The following COL12A1 variants were observed in gnomAD, a reference collection of about 807,000 sequenced individuals.
COL12A1 encodes the protein collagen type XII alpha 1 chain.
A neutral mutation model predicts 349.7 loss-of-function variants in COL12A1; 114 were observed. The ratio of observed to expected loss-of-function variants is 0.33; its 90% CI spans 0.28 to 0.38. The LOEUF (loss-of-function observed/expected upper bound fraction) is 0.38, where lower values mean the gene tolerates loss of function less well. Among genes scored for constraint, COL12A1 ranks in the 10% least tolerant of loss-of-function variants. The pLI is 1.00. For missense variants in COL12A1, 3,284 were observed against 3,756.9 expected (o/e 0.87, Z 3.29); for synonymous variants, 1,369 against 1,329.0 (o/e 1.03, Z -0.66).
At chr6:75,193,855 C>T (rs904652833) in intron 3 of COL12A1, among the ~76,000 whole-genome samples, 1 of 152,044 alleles carries the variant, frequency 6.6e-6, no homozygotes, top group African/African-American at 2.4e-5. Context: ...CAACAGTTTG[C>T]TAAGAATGAT....
intron 3 of COL12A1, among the ~76,000 whole-genome samples, chr6:75,193,201 C>T (rs938350730): frequency 6.6e-6 from 1 of 152,102 alleles, no homozygotes; most frequent in Non-Finnish European, 1.5e-5. Flanking sequence ...GGTTGGGTAG[C>T]CCCAGTGCCA....
In COL12A1 at chr6:75,130,851, C is replaced by T. The variant is rs1766265062; in HGVS notation, c.6067+1G>A. On this transcript the variant is annotated splice_donor_variant, in intron 36 of 65. Coordinates refer to ENST00000322507, the MANE Select transcript of COL12A1 (RefSeq NM_004370.6). LOFTEE classifies it high-confidence loss of function. ...GAATGGAGAAAGGATTTCTGCCTCA[C>T]GCGTTCGGCCCTGGGCAGGGCTGGG... is the stretch of plus-strand genomic sequence containing the variant. The T allele has an allele frequency of 6.2e-7, 1 of 1,613,972 alleles. No individual in the cohort carries two copies. Among genetic ancestry groups the T allele is most frequent in the Non-Finnish European group, 8.5e-7 (1 of 1,179,912 alleles).
intron 58 of COL12A1, among the ~76,000 whole-genome samples, chr6:75,100,839 A>G (rs1768272332): frequency 6.6e-6 from 1 of 152,224 alleles, no homozygotes; most frequent in Admixed American, 6.5e-5. Context: ...ATCAAAATAC[A>G]AACTACTCTC....
In COL12A1 at chr6:75,112,852, A is replaced by ATT. The variant is rs1358522701; in HGVS notation, c.7950+350_7950+351dup. Among the ~76,000 whole-genome samples, 4 of 151,712 alleles carry ATT rather than the reference A, an allele frequency of 2.6e-5. No homozygotes were observed. The East Asian group carries it at 7.7e-4, about 29-fold the overall frequency. ...TCAATAAAAAGCAAGCAGAAGAAAT[A>ATT]TTATCAATTAAAACATAATCCACTA... On this transcript the variant is annotated intron_variant, in intron 51 of 65. Coordinates refer to ENST00000322507, the MANE Select transcript of COL12A1 (RefSeq NM_004370.6).
At chr6:75,191,841 A>C in intron 4 of COL12A1, 81 bp from the exon 5 acceptor site, 1 of 838,674 alleles carries the variant, frequency 1.2e-6, no homozygotes, top group African/African-American at 1.8e-5. Context: ...ATATTATATT[A>C]GTTTTTGTTA....
At position 75,090,280 on chromosome 6, in the gene COL12A1, T is replaced by C. The variant is rs1442924976; in HGVS notation, c.8771A>G (p.Asn2924Ser). ...QLISGQMNRF[N>S]QMLNQIPNDY... The stretch of plus-strand genomic sequence containing the variant: ...ATTTGGAATCTGATTCAGCATCTGA[T>C]TGAATCTGTTCATCTGACCTACAAG... Residue 2924 changes from asparagine (N) to serine (S), a missense_variant, in exon 63 of 66, where the codon AAT (asparagine) becomes AGT (serine). By Grantham distance (46) the Asn-to-Ser change is conservative. Transcript: ENST00000322507. This position sits in a 1 kb window ranked among gnomAD's most constrained non-coding sequence, Gnocchi z 4.1. The C allele has an allele frequency of 5.0e-6, 8 of 1,610,328 alleles. No individual in the cohort carries two copies. Among genetic ancestry groups the C allele is most frequent in the Non-Finnish European group, 6.8e-6 (8 of 1,177,070 alleles).
intron 11 of COL12A1, among the ~76,000 whole-genome samples, chr6:75,178,514 T>C (rs1055692784): frequency 6.6e-6 from 1 of 152,238 alleles, no homozygotes; most frequent in Admixed American, 6.5e-5. Context: ...GATCTACATC[T>C]TGAAGCTAAG....
rs2300794 is a variant in COL12A1, at chr6:75,147,577, T to C, written c.4417+98A>G. The C allele has an allele frequency of 0.01, 12,014 of 1,174,748 alleles. 574 individuals carry two copies. The East Asian group carries it at 0.14, about 14-fold the overall frequency. 72.8% of individuals were successfully genotyped at this position (1,174,748 alleles called of 1,614,324 possible). On this transcript the variant is annotated intron_variant, in intron 23 of 65. Coordinates refer to ENST00000322507, the MANE Select transcript of COL12A1 (RefSeq NM_004370.6). ...TCAGTAAATATTTATAGAATGAATG[T>C]TAAATAAAGAAATTATTTGGAAGGT...
In COL12A1 at chr6:75,133,378, C is replaced by T; in HGVS notation, c.5709G>A (p.Leu1903=). The part of the protein sequence containing the change: ...GNTNYAILRN[L]QPDTSYTVTV... The stretch of plus-strand genomic sequence containing the variant: ...TCACAGTGTATGAGGTATCTGGCTG[C>T]AGATTCCTAAGAATGGCATAATTGG... The change falls in exon 34 of 66, where the codon CTG becomes CTA. Residue 1903 remains leucine, a synonymous_variant. Coordinates refer to ENST00000322507, the MANE Select transcript of COL12A1 (RefSeq NM_004370.6). 1 of 1,612,728 alleles carries T rather than the reference C, an allele frequency of 6.2e-7. No homozygotes were observed.
At chr6:75,204,448 A>G (rs932815023) in intron 1 of COL12A1, among the ~76,000 whole-genome samples, 1 of 152,118 alleles carries the variant, frequency 6.6e-6, no homozygotes, top group Non-Finnish European at 1.5e-5. Context: ...GCAAGAATGA[A>G]TCATCTCGCG....
At position 75,102,619 on chromosome 6, in the gene COL12A1, C is replaced by G; in HGVS notation, c.8393G>C (p.Gly2798Ala). ...QGPPGPQGPN[G>A]LSIPGEQGRQ... ...TACTTGCTCTCCCGGAATAGAGAGTCCATTGGGTCCCTGAGGGCCTGGAGG... is the reference window on the plus strand; with the variant it reads ...TACTTGCTCTCCCGGAATAGAGAGTGCATTGGGTCCCTGAGGGCCTGGAGG... The change falls in exon 56 of 66, where the codon GGA becomes GCA. Residue 2798 changes from glycine (G) to alanine (A), a missense_variant. By Grantham distance (60) the Gly-to-Ala change is moderately conservative. Coordinates refer to ENST00000322507, the MANE Select transcript of COL12A1 (RefSeq NM_004370.6). 1 of 1,562,566 alleles carries G rather than the reference C, an allele frequency of 6.4e-7. No homozygotes were observed.
intron 32 of COL12A1, 152 bp from the exon 33 acceptor site, chr6:75,134,149 C>T (rs185918451): frequency 6.3e-4 from 512 of 813,260 alleles, no homozygotes; most frequent in African/African-American, 2.8e-3. Context: ...ACACTGTGTC[C>T]GCGTCAGCCT....
intron 25 of COL12A1, 105 bp from the exon 26 acceptor site, chr6:75,143,493 T>C (rs1767016508): frequency 7.9e-7 from 1 of 1,268,562 alleles, no homozygotes; most frequent in Non-Finnish European, 1.1e-6. Flanking sequence ...TTTAAAGGTG[T>C]TTGGCAAAAT....
intron 2 of COL12A1, among the ~76,000 whole-genome samples, chr6:75,198,466 T>C (rs1770347915): frequency 6.6e-6 from 1 of 150,588 alleles, no homozygotes; most frequent in Non-Finnish European, 1.5e-5. Flanking sequence ...ATTACATATG[T>C]ATTACATATG....
At position 75,183,529 on chromosome 6, in the gene COL12A1, T is replaced by G. The variant is rs769535066; in HGVS notation, c.1412A>C (p.Glu471Ala). ...AFLEVLVKSF[E>A]ISPNRVQISL... ...AATCTGGACCCTATTTGGTGAAATT[T>G]CAAAACTTTTTACAAGAACTTCCAA... The change falls in exon 10 of 66, where the codon GAA (glutamate) becomes GCA (alanine). Residue 471 changes from glutamate to alanine, a missense_variant. Coordinates refer to ENST00000322507, the MANE Select transcript of COL12A1 (RefSeq NM_004370.6). 6.2e-7 allele frequency: 1 copy of G among 1,614,160 alleles called. No individual in the cohort carries two copies.
intron 4 of COL12A1, 49 bp downstream of exon 4, chr6:75,192,160 CCTT>C (rs1769963963): frequency 5.9e-6 from 8 of 1,360,854 alleles, no homozygotes; most frequent in Non-Finnish European, 5.9e-6. Flanking sequence ...GTTGGAAAAA[CCTT>C]CTGCAAAATA....
chr6:75,149,826 T>C (rs1044246817), intron 21 of COL12A1, among the ~76,000 whole-genome samples: 3 of 152,066 alleles, frequency 2.0e-5, no homozygotes, highest in Non-Finnish European at 4.4e-5. Context: ...AACTATTACA[T>C]AGTTCATTTT....
intron 27 of COL12A1, among the ~76,000 whole-genome samples, 200 bp downstream of exon 27, chr6:75,141,832 G>C (rs1766905927): frequency 6.6e-6 from 1 of 152,166 alleles, no homozygotes; most frequent in African/African-American, 2.4e-5. Flanking sequence ...CTGATGGAAA[G>C]TATCATAAAA....
intron 58 of COL12A1, among the ~76,000 whole-genome samples, chr6:75,101,062 A>G (rs1040333683): frequency 2.6e-5 from 4 of 152,142 alleles, no homozygotes; most frequent in African/African-American, 9.7e-5. Context: ...TACTGCTTTC[A>G]TGCTAAGTCA....
Sources: gnomAD v4.1 joint callset for allele counts (sites outside exome capture counted in the v4.1 genomes callset) on GRCh38, gnomAD v4.1.1 for gene constraint, Gnocchi (gnomAD v3.1) non-coding constraint, MANE v1.5 for transcripts, NCBI Gene and HGNC (gene_info 2026-07-23, HGNC 2026-07-21) for gene names.